Variants in ST3GAL3 observed in about 807,000 individuals in gnomAD.
ST3GAL3 encodes the protein ST3 beta-galactoside alpha-2,3-sialyltransferase 3, also known as CMP-N-acetylneuraminate-beta-1,4-galactoside alpha-2,3-sialyltransferase.
In ST3GAL3, 21 loss-of-function variants were observed where a neutral mutation model predicts 50.1. The ratio of observed to expected loss-of-function variants is 0.42; its 90% confidence interval spans 0.30 to 0.60. The LOEUF (loss-of-function observed/expected upper bound fraction) is 0.60, where lower values mean the gene tolerates loss of function less well. ST3GAL3 is among the 20% of genes least tolerant of loss of function. The probability of loss-of-function intolerance (pLI) is 0.19; values close to 1 mark genes in which losing one functional copy is unlikely to be tolerated. For missense variants in ST3GAL3, 353 were observed against 489.4 expected (o/e 0.72, Z 2.63); for synonymous variants, 183 against 190.0 (o/e 0.96, Z 0.30).
At chr1:43,892,707 A>G (rs568439568) in intron 5 of ST3GAL3, among the ~76,000 whole-genome samples, 46 of 152,360 alleles carry the variant, frequency 3.0e-4, no homozygotes, top group Non-Finnish European at 4.3e-4. Context: ...GGCATATTTT[A>G]TTAGCATATG....
At chr1:43,731,956 G>T (rs1268569664) in intron 1 of ST3GAL3, among the ~76,000 whole-genome samples, 2 of 152,176 alleles carry the variant, frequency 1.3e-5, no homozygotes, top group Non-Finnish European at 2.9e-5. Context: ...GGGATTACAG[G>T]TATGAGTCAT....
At chr1:43,752,108 C>T (rs150005966) in intron 2 of ST3GAL3, among the ~76,000 whole-genome samples, 27 of 152,262 alleles carry the variant, frequency 1.8e-4, no homozygotes, top group Admixed American at 5.2e-4. Context: ...TGAGCCACTG[C>T]GCCCGGCCTA....
intron 3 of ST3GAL3, chr1:43,801,475 G>T: frequency 2.3e-6 from 1 of 428,080 alleles, no homozygotes; most frequent in Non-Finnish European, 4.7e-6. Context: ...CCTTCAAGAA[G>T]CTCTCTCTTT....
At chr1:43,837,242 C>A (rs2064500432) in intron 4 of ST3GAL3, among the ~76,000 whole-genome samples, 1 of 152,102 alleles carries the variant, frequency 6.6e-6, no homozygotes, top group Non-Finnish European at 1.5e-5. Flanking sequence ...TTAGCCCAAT[C>A]CGAGGGTCAG....
At chr1:43,842,966 A>T (rs1384477389) in intron 5 of ST3GAL3, among the ~76,000 whole-genome samples, 1 of 152,058 alleles carries the variant, frequency 6.6e-6, no homozygotes, top group Non-Finnish European at 1.5e-5. Context: ...TCCCTAGTCT[A>T]TTCTGTTGAT....
chr1:43,769,802 G>A (rs1694396326), intron 2 of ST3GAL3, among the ~76,000 whole-genome samples: 1 of 152,142 alleles, frequency 6.6e-6, no homozygotes, highest in South Asian at 2.1e-4. Context: ...AGTAGTTCAA[G>A]CTTGTTTTTA....
intron 4 of ST3GAL3, among the ~76,000 whole-genome samples, chr1:43,827,074 A>T (rs2062905310): frequency 1.3e-5 from 2 of 152,210 alleles, no homozygotes; most frequent in African/African-American, 4.8e-5. Context: ...CATTATACTA[A>T]AGTCTTCACT....
chr1:43,797,393 C>T (rs2058801004), intron 3 of ST3GAL3, among the ~76,000 whole-genome samples: 1 of 152,092 alleles, frequency 6.6e-6, no homozygotes, highest in African/African-American at 2.4e-5. Context: ...TTCGTGTCTT[C>T]AGAGTTCCAT....
intron 3 of ST3GAL3, among the ~76,000 whole-genome samples, chr1:43,802,272 A>G (rs1365388802): frequency 6.6e-6 from 1 of 152,196 alleles, no homozygotes; most frequent in Non-Finnish European, 1.5e-5. Flanking sequence ...ACTGACAAAA[A>G]TATAAAATCA....
At chr1:43,743,646 A>G (rs1050013051) in intron 2 of ST3GAL3, 1 of 247,878 alleles carries the variant, frequency 4.0e-6, no homozygotes, top group Non-Finnish European at 8.1e-6. Flanking sequence ...AAACAGGCAC[A>G]CCTGCACACC....
intron 2 of ST3GAL3, among the ~76,000 whole-genome samples, chr1:43,747,896 A>G (rs1295963518): frequency 2.0e-5 from 3 of 152,044 alleles, no homozygotes; most frequent in African/African-American, 7.2e-5. Flanking sequence ...AGGGATTTTT[A>G]TGGAGGATTC....
At chr1:43,819,777 C>T (rs570457405) in intron 4 of ST3GAL3, among the ~76,000 whole-genome samples, 2 of 152,282 alleles carry the variant, frequency 1.3e-5, no homozygotes, top group South Asian at 4.1e-4. Flanking sequence ...CCACTCCCCA[C>T]TCCCCCCTCT....
At chr1:43,758,695 A>G (rs1689047331) in intron 2 of ST3GAL3, among the ~76,000 whole-genome samples, 1 of 152,156 alleles carries the variant, frequency 6.6e-6, no homozygotes, top group Non-Finnish European at 1.5e-5. Context: ...GTCAACCACA[A>G]CAAGAATAGA....
intron 4 of ST3GAL3, among the ~76,000 whole-genome samples, chr1:43,832,195 T>C (rs2063636810): frequency 6.6e-6 from 1 of 152,168 alleles, no homozygotes; most frequent in South Asian, 2.1e-4. Flanking sequence ...GGAAATAAAT[T>C]ACAAGGCTCT....
intron 9 of ST3GAL3, among the ~76,000 whole-genome samples, chr1:43,901,800 G>A (rs979037181): frequency 8.5e-5 from 13 of 152,238 alleles, no homozygotes; most frequent in African/African-American, 3.1e-4. Flanking sequence ...TACCCAGGGT[G>A]GGTGGGGGTG....
chr1:43,867,124 C>T (rs1432678084), intron 5 of ST3GAL3, among the ~76,000 whole-genome samples: 1 of 152,090 alleles, frequency 6.6e-6, no homozygotes, highest in South Asian at 2.1e-4. Flanking sequence ...AGCGAGACTC[C>T]GTCTCAAAAT....
rs1203440632 is a variant in ST3GAL3 at position 43,855,075 on chromosome 1, G to T, written c.302+16764G>T. ...TGTAAACTCATTCAACAAAGTGCCA[G>T]ATATTTTTCTAGGTGGTATAGCTTC... On this transcript the variant is annotated intron_variant, in intron 5 of 11. Transcript: ENST00000347631. 2.0e-5 allele frequency among the ~76,000 whole-genome samples: 3 copies of T among 152,144 alleles called. No homozygotes were observed. In the East Asian group the frequency reaches 5.8e-4, roughly 29 times the overall value.
At chr1:43,777,051 G>A (rs1697526601) in intron 2 of ST3GAL3, among the ~76,000 whole-genome samples, 1 of 151,954 alleles carries the variant, frequency 6.6e-6, no homozygotes, top group Admixed American at 6.6e-5. Flanking sequence ...CATGTCTAAG[G>A]GTCTCTGGCA....
At chr1:43,796,270 T>C (rs530694730) in intron 3 of ST3GAL3, among the ~76,000 whole-genome samples, 7 of 152,258 alleles carry the variant, frequency 4.6e-5, no homozygotes, top group African/African-American at 1.7e-4. Flanking sequence ...TGGCAGAATG[T>C]GGTAATTAAA....
Sources: gnomAD v4.1 joint callset for allele counts (sites outside exome capture counted in the v4.1 genomes callset) on GRCh38, gnomAD v4.1.1 for gene constraint, MANE v1.5 for transcripts, NCBI Gene and HGNC (gene_info 2026-07-23, HGNC 2026-07-21) for gene names.